The following SEMA6D variants were observed in gnomAD, a reference collection of about 807,000 sequenced individuals.
SEMA6D encodes the protein semaphorin-6D.
In SEMA6D, 35 loss-of-function variants were observed where a neutral mutation model predicts 106.6. The observed-to-expected ratio is 0.33, with a 90% CI of 0.25 to 0.44. SEMA6D has a LOEUF of 0.44. Ranked by LOEUF, SEMA6D falls within the 20% of genes least tolerant of loss-of-function variation. The pLI is 1.00. For missense variants in SEMA6D, 1,185 were observed against 1,345.9 expected (o/e 0.88, Z 1.87); for synonymous variants, 499 against 487.7 (o/e 1.02, Z -0.31).
intron 3 of SEMA6D, among the ~76,000 whole-genome samples, chr15:47,481,526 G>T (rs537051020): frequency 6.6e-6 from 1 of 152,250 alleles, no homozygotes; most frequent in Non-Finnish European, 1.5e-5. Flanking sequence ...GTGTTCCTAA[G>T]AATTCAAGAT....
At chr15:47,723,697 AT>A (rs142790573) in intron 1 of SEMA6D, among the ~76,000 whole-genome samples, 83 of 151,472 alleles carry the variant, frequency 5.5e-4, no homozygotes, top group African/African-American at 9.9e-4. Context: ...ATGCATCAGC[AT>A]TTTTTTTTGT....
chr15:47,361,008 A>G (rs2038784204), intron 1 of SEMA6D, among the ~76,000 whole-genome samples: 1 of 152,214 alleles, frequency 6.6e-6, no homozygotes, highest in South Asian at 2.1e-4. Flanking sequence ...CAGGTTTGTC[A>G]TGAGGATTTG....
chr15:47,507,048 A>G (rs1046929818), intron 3 of SEMA6D, among the ~76,000 whole-genome samples: 3 of 152,180 alleles, frequency 2.0e-5, no homozygotes, highest in Non-Finnish European at 4.4e-5. Context: ...TTTAACCAAA[A>G]TAACTTGAAA....
chr15:47,663,997 T>C (rs2077978288), intron 4 of SEMA6D, among the ~76,000 whole-genome samples: 1 of 152,200 alleles, frequency 6.6e-6, no homozygotes, highest in Non-Finnish European at 1.5e-5. Context: ...TCGAACTTTT[T>C]CATTTTGATG....
At chr15:47,740,107 T>C (rs1023255107) in intron 1 of SEMA6D, among the ~76,000 whole-genome samples, 3 of 152,230 alleles carry the variant, frequency 2.0e-5, no homozygotes, top group Non-Finnish European at 4.4e-5. Context: ...CTTATCCTCC[T>C]GTGTGGTGAG....
At chr15:47,632,750 A>G (rs1287134330) in intron 4 of SEMA6D, among the ~76,000 whole-genome samples, 3 of 151,830 alleles carry the variant, frequency 2.0e-5, no homozygotes. Context: ...TCTGATTGGC[A>G]TAGTTAGGCC....
intron 1 of SEMA6D, among the ~76,000 whole-genome samples, chr15:47,291,276 C>A (rs1304816755): frequency 1.3e-5 from 2 of 152,166 alleles, no homozygotes; most frequent in Non-Finnish European, 2.9e-5. Context: ...CATGAATTGC[C>A]TTTGTGTTCA....
At chr15:47,390,503 A>T (rs2039989372) in intron 1 of SEMA6D, among the ~76,000 whole-genome samples, 1 of 152,092 alleles carries the variant, frequency 6.6e-6, no homozygotes, top group South Asian at 2.1e-4. Context: ...ATTTGCCTAA[A>T]AGTAATCCAC....
rs961960057 is a variant in SEMA6D at position 47,231,972 on chromosome 15, C to T, written c.-239+47554C>T. On this transcript the variant is annotated intron_variant, in intron 1 of 19. Transcript: ENST00000558014. ...TAATTCCAGAACATTTCCATCACCC[C>T]CAAATAACTCCCATACCTGTGAGTA... is the stretch of plus-strand genomic sequence containing the variant. 3.3e-5 allele frequency among the ~76,000 whole-genome samples: 5 copies of T among 151,948 alleles called. No individual in the cohort carries two copies. In the East Asian group the frequency reaches 7.7e-4, roughly 23 times the overall value.
intron 1 of SEMA6D, among the ~76,000 whole-genome samples, chr15:47,737,658 A>C (rs959253524): frequency 6.6e-6 from 1 of 152,088 alleles, no homozygotes; most frequent in African/African-American, 2.4e-5. Flanking sequence ...GGCTAGTGTA[A>C]TATACTTTTA....
At chr15:47,438,451 A>G (rs892552284) in intron 2 of SEMA6D, among the ~76,000 whole-genome samples, 12 of 152,068 alleles carry the variant, frequency 7.9e-5, no homozygotes, top group African/African-American at 2.9e-4. Context: ...GTAAAAGCCA[A>G]CATCCGTGTA....
chr15:47,191,593 C>G (rs1431004560), intron 1 of SEMA6D, among the ~76,000 whole-genome samples: 2 of 151,866 alleles, frequency 1.3e-5, no homozygotes, highest in Non-Finnish European at 2.9e-5. Flanking sequence ...TTACCGTGTC[C>G]CAGGTATTGA....
At chr15:47,604,555 T>A (rs543102984) in intron 4 of SEMA6D, among the ~76,000 whole-genome samples, 8 of 151,944 alleles carry the variant, frequency 5.3e-5, no homozygotes, top group Non-Finnish European at 8.8e-5. Context: ...ATTAACTATT[T>A]TAAATACTCA....
chr15:47,598,585 G>T lies in SEMA6D; in HGVS notation c.-86-2280G>T, dbSNP rs559600437. 5.9e-5 allele frequency among the ~76,000 whole-genome samples: 9 copies of T among 152,202 alleles called. No homozygotes were observed. The South Asian group carries it at 1.7e-3, about 28-fold the overall frequency. On this transcript the variant is annotated intron_variant, in intron 3 of 19. Transcript: ENST00000558014. The stretch of plus-strand genomic sequence containing the variant: ...CCTGTACAAAATGATTCCTACATTA[G>T]TTCATCTCTCTGCATAAAAGCGTCT...
intron 4 of SEMA6D, among the ~76,000 whole-genome samples, chr15:47,698,856 A>G (rs1013968222): frequency 3.3e-5 from 5 of 152,126 alleles, no homozygotes; most frequent in Non-Finnish European, 7.4e-5. Context: ...CCTCCCATGA[A>G]CTAGAGACAA....
intron 3 of SEMA6D, among the ~76,000 whole-genome samples, chr15:47,566,558 G>A (rs1223392222): frequency 6.6e-6 from 1 of 152,216 alleles, no homozygotes; most frequent in Non-Finnish European, 1.5e-5. Context: ...AAAGAACATA[G>A]AGTCATTTTC....
At chr15:47,615,631 G>T (rs2076993575) in intron 4 of SEMA6D, among the ~76,000 whole-genome samples, 1 of 152,114 alleles carries the variant, frequency 6.6e-6, no homozygotes, top group Non-Finnish European at 1.5e-5. Context: ...ATACCCAAGG[G>T]TCACGAATTC....
chr15:47,668,314 T>C (rs953713297), intron 4 of SEMA6D, among the ~76,000 whole-genome samples: 2 of 152,168 alleles, frequency 1.3e-5, no homozygotes, highest in Non-Finnish European at 2.9e-5. Context: ...AGCCAGTAGA[T>C]CTAACACTGG....
At chr15:47,305,251 C>T (rs535264582) in intron 1 of SEMA6D, among the ~76,000 whole-genome samples, 2 of 152,172 alleles carry the variant, frequency 1.3e-5, no homozygotes, top group Non-Finnish European at 2.9e-5. Context: ...TAATTACTCT[C>T]CTTGGGTTGG....
Sources: gnomAD v4.1 joint callset for allele counts (sites outside exome capture counted in the v4.1 genomes callset) on GRCh38, gnomAD v4.1.1 for gene constraint, MANE v1.5 for transcripts, NCBI Gene and HGNC (gene_info 2026-07-23, HGNC 2026-07-21) for gene names.